Variants in TMEM181 observed in about 807,000 individuals in gnomAD.
TMEM181 encodes G protein-coupled receptor 178.
TMEM181 carries 39 observed loss-of-function variants against 71.9 expected under a neutral mutation model. The observed-to-expected ratio is 0.54, with a 90% CI of 0.42 to 0.71. The LOEUF (loss-of-function observed/expected upper bound fraction) is 0.71, where lower values mean the gene tolerates loss of function less well. Among genes scored for constraint, TMEM181 ranks in the 30% least tolerant of loss-of-function variants. The pLI is 0.00. For synonymous variants in TMEM181, 245 were observed against 228.8 expected (o/e 1.07, Z -0.64); for missense variants, 595 against 583.0 (o/e 1.02, Z -0.21).
At chr6:158,562,619 G>C (rs1018858657) in intron 1 of TMEM181, among the ~76,000 whole-genome samples, 1 of 152,236 alleles carries the variant, frequency 6.6e-6, no homozygotes, top group African/African-American at 2.4e-5. Context: ...GTATCCTGGA[G>C]CCCTGCTGTG....
At chr6:158,573,333 GT>G in intron 1 of TMEM181, 86 bp from the exon 2 acceptor site, 1 of 929,582 alleles carries the variant, frequency 1.1e-6, no homozygotes, top group Non-Finnish European at 1.7e-6. Context: ...GCAGTGTCGT[GT>G]GGGGAGGGGT....
At chr6:158,554,437 C>T (rs1247712573) in intron 1 of TMEM181, among the ~76,000 whole-genome samples, 1 of 152,138 alleles carries the variant, frequency 6.6e-6, no homozygotes, top group African/African-American at 2.4e-5. Context: ...CCAGGCTGGT[C>T]TCGAACTCCT....
intron 10 of TMEM181, among the ~76,000 whole-genome samples, chr6:158,619,867 C>T (rs1323547230): frequency 3.0e-5 from 2 of 67,710 alleles, no homozygotes; most frequent in South Asian, 1.1e-3. Context: ...GACTCCGTCT[C>T]AAAAAAAAAA....
chr6:158,548,393 C>T (rs772207890), intron 1 of TMEM181, among the ~76,000 whole-genome samples: 3 of 152,108 alleles, frequency 2.0e-5, no homozygotes, highest in African/African-American at 4.8e-5. Flanking sequence ...GATAATCTTG[C>T]CCGGTAACTC....
intron 2 of TMEM181, 78 bp downstream of exon 2, chr6:158,573,601 G>A: frequency 7.9e-7 from 1 of 1,258,804 alleles, no homozygotes; most frequent in Non-Finnish European, 1.1e-6. Context: ...CAGCCCAGCT[G>A]TGCCCCTATC....
intron 1 of TMEM181, among the ~76,000 whole-genome samples, chr6:158,542,001 G>A (rs959955007): frequency 2.0e-5 from 3 of 149,828 alleles, no homozygotes; most frequent in East Asian, 2.0e-4. Flanking sequence ...CACCTCCCGG[G>A]TTCAAGCGAT....
At chr6:158,576,539 C>G (rs777791801) in intron 2 of TMEM181, among the ~76,000 whole-genome samples, 23 of 152,036 alleles carry the variant, frequency 1.5e-4, no homozygotes, top group Non-Finnish European at 3.2e-4. Flanking sequence ...CCAGGACATT[C>G]AAAACTGCTA....
intron 1 of TMEM181, among the ~76,000 whole-genome samples, chr6:158,548,700 T>G (rs904305805): frequency 2.0e-5 from 3 of 152,228 alleles, no homozygotes; most frequent in Non-Finnish European, 4.4e-5. Context: ...CAGTCATTTG[T>G]TCAACACACA....
At chr6:158,625,652 T>C (rs1231604674) in intron 12 of TMEM181, 51 bp from the exon 13 acceptor site, 1 of 1,479,748 alleles carries the variant, frequency 6.8e-7, no homozygotes, top group Admixed American at 2.0e-5. Flanking sequence ...CAAAATAAAA[T>C]GCAAGTGGAA....
chr6:158,592,962 A>G (rs972606160), intron 6 of TMEM181, among the ~76,000 whole-genome samples: 5 of 152,176 alleles, frequency 3.3e-5, no homozygotes, highest in African/African-American at 1.2e-4. Context: ...GATAATATCC[A>G]GGGTTGGCGA....
chr6:158,583,632 G>A (rs1282199572), intron 3 of TMEM181, among the ~76,000 whole-genome samples: 2 of 151,998 alleles, frequency 1.3e-5, no homozygotes, highest in Non-Finnish European at 2.9e-5. Context: ...AACTCCGTCT[G>A]TACTAGAAAT....
rs1786731713 is a variant in TMEM181, at chr6:158,632,769, GTAAA to G, written c.*882_*885del. 6.6e-6 allele frequency: 1 copy of G among 152,240 alleles called. No individual in the cohort carries two copies. The highest frequency in any genetic ancestry group is 6.5e-5 in the Admixed American group (1 of 15,284). 9.4% of individuals were successfully genotyped at this position (152,240 alleles called of 1,614,324 possible). A position where few individuals can be genotyped will look rare whatever the true frequency, so the allele number is the denominator to read the frequency against. ...CATAGAGCTTTATTTATTTATGTAA[GTAAA>G]AGCTAAATGAGGGGCCAGGTGCAGT... is the stretch of plus-strand genomic sequence containing the variant. On this transcript the variant is annotated 3_prime_UTR_variant, in exon 17 of 17. Coordinates refer to ENST00000684151, the MANE Select transcript of TMEM181 (RefSeq NM_001376852.1).
intron 1 of TMEM181, among the ~76,000 whole-genome samples, chr6:158,551,255 C>T (rs901900152): frequency 8.5e-5 from 13 of 152,084 alleles, no homozygotes; most frequent in African/African-American, 2.7e-4. Flanking sequence ...CCACTGTGCC[C>T]GGCTCAATTA....
rs1785006394 is a variant in TMEM181, at chr6:158,607,292, A to G, written c.622A>G (p.Ile208Val). The stretch of plus-strand genomic sequence containing the variant: ...GAAATTTTCCATGAGAGACTGGGGC[A>G]TCGAGCAGAAGTGGATGTCTGTTCT... ...LRKFSMRDWG[I>V]EQKWMSVLLP... The change falls in exon 8 of 17, where the codon ATC (isoleucine) becomes GTC (valine). Residue 208 changes from isoleucine (I) to valine (V), a missense_variant. Ile to Val is a conservative substitution (Grantham distance 29, BLOSUM62 3). Transcript: ENST00000684151. 6.2e-7 allele frequency: 1 copy of G among 1,614,188 alleles called. No homozygotes were observed. The highest frequency in any genetic ancestry group is 8.5e-7 in the Non-Finnish European group (1 of 1,180,024).
chr6:158,559,962 C>T (rs1718431211), upstream of TMEM181: 1 of 777,766 alleles, frequency 1.3e-6, no homozygotes, highest in Non-Finnish European at 1.5e-6. Context: ...GGGGCTCCGC[C>T]CCGGCACGGG....
Position 158,599,069 on chromosome 6 carries a change from C to T in TMEM181, c.493-6198C>T, listed in dbSNP as rs532547869. ...ACAGGTCGCTGTGACACGTCCCTCC[C>T]GCGGTCTGTTTCTGTGGTTGTCCAT... On this transcript the variant is annotated intron_variant, in intron 6 of 16. Coordinates refer to ENST00000684151, the MANE Select transcript of TMEM181 (RefSeq NM_001376852.1). 6.6e-5 allele frequency among the ~76,000 whole-genome samples: 10 copies of T among 152,320 alleles called. No homozygotes were observed. In the South Asian group the frequency reaches 1.4e-3, roughly 22 times the overall value.
chr6:158,625,577 C>T (rs1267869118), intron 12 of TMEM181, 126 bp from the exon 13 acceptor site: 22 of 862,420 alleles, frequency 2.6e-5, no homozygotes, highest in African/African-American at 8.5e-5. Context: ...CTGGCGACTC[C>T]GGCTAAGTCT....
At chr6:158,589,601 A>G in intron 5 of TMEM181, 71 bp from the exon 6 acceptor site, 1 of 1,173,960 alleles carries the variant, frequency 8.5e-7, no homozygotes, top group Non-Finnish European at 1.3e-6. Context: ...GAAACGTGTT[A>G]CTTCATGGGT....
chr6:158,581,320 A>T (rs183990672), intron 3 of TMEM181, among the ~76,000 whole-genome samples: 1 of 152,242 alleles, frequency 6.6e-6, no homozygotes, highest in Non-Finnish European at 1.5e-5. Flanking sequence ...TTTAATAATG[A>T]TACCACTTAG....
Sources: gnomAD v4.1 joint callset for allele counts (sites outside exome capture counted in the v4.1 genomes callset) on GRCh38, gnomAD v4.1.1 for gene constraint, MANE v1.5 for transcripts, NCBI Gene and HGNC (gene_info 2026-07-23, HGNC 2026-07-21) for gene names.